ADAM22: variants seen among roughly 807,000 people sequenced by gnomAD.
ADAM22 encodes the protein ADAM metallopeptidase domain 22.
ADAM22 carries 65 observed loss-of-function variants against 144.6 expected under a neutral mutation model. That is an observed-to-expected ratio of 0.45 (90% CI 0.37 to 0.55). The LOEUF (loss-of-function observed/expected upper bound fraction) is 0.55. Ranked by LOEUF, ADAM22 falls within the 20% of genes least tolerant of loss-of-function variation. The pLI is 0.00. For synonymous variants in ADAM22, 391 were observed against 412.6 expected (o/e 0.95, Z 0.63); for missense variants, 974 against 1,184.9 (o/e 0.82, Z 2.61).
intron 4 of ADAM22, among the ~76,000 whole-genome samples, chr7:88,088,187 A>G (rs1818910564): frequency 6.6e-6 from 1 of 152,156 alleles, no homozygotes; most frequent in African/African-American, 2.4e-5. Context: ...GAAAACTGAA[A>G]ATGGCCACTA....
chr7:88,098,084 T>C (rs1286624416), intron 4 of ADAM22, among the ~76,000 whole-genome samples: 1 of 152,160 alleles, frequency 6.6e-6, no homozygotes, highest in African/African-American at 2.4e-5. Flanking sequence ...GTTATATTAG[T>C]GGGTGTCTAA....
chr7:88,156,507 C>T (rs1203499718), intron 22 of ADAM22, among the ~76,000 whole-genome samples: 1 of 152,022 alleles, frequency 6.6e-6, no homozygotes, highest in Non-Finnish European at 1.5e-5. Flanking sequence ...ATTCCTAAGT[C>T]AGTAATGAGG....
At chr7:88,067,539 A>G (rs1012146463) in intron 3 of ADAM22, among the ~76,000 whole-genome samples, 5 of 152,070 alleles carry the variant, frequency 3.3e-5, no homozygotes, top group African/African-American at 7.2e-5. Context: ...TTAAACTTTC[A>G]TGTCTTGGTA....
chr7:88,095,195 G>A (rs1419936010), intron 4 of ADAM22, among the ~76,000 whole-genome samples: 2 of 152,166 alleles, frequency 1.3e-5, no homozygotes, highest in Non-Finnish European at 2.9e-5. Context: ...ACCAGCGGCA[G>A]TTCTTTACTT....
chr7:87,970,229 C>G (rs186304025), intron 2 of ADAM22, among the ~76,000 whole-genome samples: 1 of 150,710 alleles, frequency 6.6e-6, no homozygotes, highest in African/African-American at 2.5e-5. Context: ...AAAGAGGGAT[C>G]ATATATACAA....
Position 88,156,000 on chromosome 7 carries a change from A to G in ADAM22, c.1901A>G (p.Asn634Ser), listed in dbSNP as rs1472788083. 5 of 1,612,792 alleles carry G rather than the reference A, an allele frequency of 3.1e-6. No individual in the cohort carries two copies. The East Asian group carries it at 1.1e-4, about 36-fold the overall frequency. Residue 634 changes from asparagine to serine, a missense_variant, in exon 22 of 32, where the codon AAC becomes AGC. Asn to Ser is a conservative substitution (Grantham distance 46). Around this residue, in one of 2 missense-constraint regions of ADAM22, gnomAD observed 734 missense variants for 950.6 expected, o/e 0.77. Transcript: ENST00000413139. ...GTTGTGCAGCAAGGAAGAACATTAAACTGCAGGTAATTATCTAACCATTCT... is the reference window on the plus strand; with the variant it reads ...GTTGTGCAGCAAGGAAGAACATTAAGCTGCAGGTAATTATCTAACCATTCT... The part of the protein sequence containing the change: ...TLVVQQGRTL[N>S]CSGGHVKLEE...
At chr7:88,062,918 A>T (rs932310151) in intron 3 of ADAM22, among the ~76,000 whole-genome samples, 1 of 152,178 alleles carries the variant, frequency 6.6e-6, no homozygotes, top group Non-Finnish European at 1.5e-5. Flanking sequence ...AAAATTTATT[A>T]AGCTCGCTCT....
rs546809914 is a variant in ADAM22, at chr7:88,188,860, A to G, written c.2750+2159A>G. 7.9e-5 allele frequency among the ~76,000 whole-genome samples: 12 copies of G among 152,242 alleles called. No homozygotes were observed. The South Asian group carries it at 2.3e-3, about 29-fold the overall frequency. On this transcript the variant is annotated intron_variant, in intron 30 of 31. Transcript: ENST00000413139. ...AAAACCACCACTGAGGGCAAAGGTCACCTTATTGTTTTTTGTAGAGACGGG... is the reference window on the plus strand; with the variant it reads ...AAAACCACCACTGAGGGCAAAGGTCGCCTTATTGTTTTTTGTAGAGACGGG...
rs35787636 is a variant in ADAM22 at position 87,967,807 on chromosome 7, C to CAAAAAAAA, written c.247-10513_247-10506dup. Among the ~76,000 whole-genome samples, 14 of 60,948 alleles carry CAAAAAAAA rather than the reference C, an allele frequency of 2.3e-4. 1 individual carries two copies. Among genetic ancestry groups the CAAAAAAAA allele is most frequent in the African/African-American group, 1.0e-3 (14 of 13,718 alleles). The allele number at this position is 60,948 out of a possible 152,430, so 40.0% of individuals were successfully genotyped here. ...TGAGCGACAGAGTGAGACTCTGTCT[C>CAAAAAAAA]AAAAAAAAAAAAAAAAAAAAAAAGT... On this transcript the variant is annotated intron_variant, in intron 2 of 31. Transcript: ENST00000413139.
chr7:88,077,595 C>A (rs2129481726), intron 4 of ADAM22, among the ~76,000 whole-genome samples: 1 of 152,280 alleles, frequency 6.6e-6, no homozygotes, highest in Non-Finnish European at 1.5e-5. Flanking sequence ...CTTTCCTAGT[C>A]AAAGAAAGGG....
At chr7:87,962,828 G>A (rs1848285276) in intron 2 of ADAM22, among the ~76,000 whole-genome samples, 2 of 152,128 alleles carry the variant, frequency 1.3e-5, no homozygotes, top group Non-Finnish European at 2.9e-5. Context: ...AATAAATAGT[G>A]AAACTGAGGC....
intron 4 of ADAM22, among the ~76,000 whole-genome samples, chr7:88,103,699 C>G (rs1220980645): frequency 6.6e-6 from 1 of 152,098 alleles, no homozygotes; most frequent in East Asian, 1.9e-4. Context: ...AGGAAAAGCC[C>G]AAAAGGCTTT....
At chr7:87,985,922 A>C (rs192407981) in intron 3 of ADAM22, among the ~76,000 whole-genome samples, 10 of 152,264 alleles carry the variant, frequency 6.6e-5, no homozygotes, top group South Asian at 6.2e-4. Flanking sequence ...AAATGGTGCT[A>C]TAACAGCTGT....
At chr7:87,942,331 C>G (rs1176457642) in intron 2 of ADAM22, among the ~76,000 whole-genome samples, 1 of 152,142 alleles carries the variant, frequency 6.6e-6, no homozygotes, top group African/African-American at 2.4e-5. Flanking sequence ...TACATTAATT[C>G]ATTGCGTCCT....
At chr7:88,077,519 C>T (rs372006187) in intron 4 of ADAM22, among the ~76,000 whole-genome samples, 37 of 152,228 alleles carry the variant, frequency 2.4e-4, no homozygotes, top group African/African-American at 7.5e-4. Context: ...TGCAGTGTAC[C>T]GTGCGTGAGC....
Position 88,193,176 on chromosome 7 carries a change from A to G in ADAM22, c.2811A>G (p.Lys937=). ...SSTGSIASSR[K]YPYPMPPLPD... is the part of the protein sequence containing the mutation. The stretch of plus-strand genomic sequence containing the variant: ...CTGGGTCTATTGCCTCCAGCAGAAA[A>G]TACCCTTACCCAATGCCTCCACTTC... Residue 937 remains lysine (K), a synonymous_variant, in exon 31 of 32, where the codon AAA becomes AAG. Coordinates refer to ENST00000413139, the MANE Select transcript of ADAM22 (RefSeq NM_001324418.2). 3 of 1,614,122 alleles carry G rather than the reference A, an allele frequency of 1.9e-6. No homozygotes were observed. The highest frequency in any genetic ancestry group is 2.5e-6 in the Non-Finnish European group (3 of 1,179,982).
At chr7:87,969,503 A>G (rs757941998) in intron 2 of ADAM22, among the ~76,000 whole-genome samples, 1 of 152,190 alleles carries the variant, frequency 6.6e-6, no homozygotes, top group African/African-American at 2.4e-5. Context: ...TATCCAACTC[A>G]TCTTTCTTTC....
chr7:88,044,586 A>G (rs1804048348), intron 3 of ADAM22, among the ~76,000 whole-genome samples: 1 of 145,700 alleles, frequency 6.9e-6, no homozygotes, highest in African/African-American at 2.6e-5. Flanking sequence ...AGCCGGGACT[A>G]CAGGTGTGTG....
intron 3 of ADAM22, among the ~76,000 whole-genome samples, chr7:87,982,174 A>T (rs2129449647): frequency 1.3e-5 from 2 of 151,916 alleles, no homozygotes; most frequent in South Asian, 4.2e-4. Flanking sequence ...GAAGACTTAG[A>T]CTTGAGAAGA....
Sources: gnomAD v4.1 joint callset for allele counts (sites outside exome capture counted in the v4.1 genomes callset) on GRCh38, gnomAD v4.1.1 for gene constraint, gnomAD v4.1.1 regional missense constraint, MANE v1.5 for transcripts, NCBI Gene and HGNC (gene_info 2026-07-23, HGNC 2026-07-21) for gene names.